Variants in RANBP17 observed in about 807,000 individuals in gnomAD.
RANBP17 encodes RAN binding protein 17, also known as ran-binding protein 17.
RANBP17 carries 158 observed loss-of-function variants against 141.2 expected under a neutral mutation model. The ratio of observed to expected loss-of-function variants is 1.12; its 90% CI spans 0.98 to 1.28. The LOEUF is 1.28. Ranked by LOEUF, RANBP17 falls within the 50% of genes most tolerant of loss-of-function variation. The probability of loss-of-function intolerance (pLI) is 0.00; values close to 1 mark genes in which losing one functional copy is unlikely to be tolerated. For missense variants in RANBP17, 1,438 were observed against 1,290.7 expected (o/e 1.11, Z -1.75); for synonymous variants, 430 against 450.0 (o/e 0.96, Z 0.56).
chr5:171,181,507 A>G (rs1415854437), intron 16 of RANBP17, among the ~76,000 whole-genome samples: 3 of 152,100 alleles, frequency 2.0e-5, no homozygotes, highest in African/African-American at 4.8e-5. Context: ...GAGCAGTGCA[A>G]TAGGGAAAAT....
intron 1 of RANBP17, among the ~76,000 whole-genome samples, chr5:170,876,711 T>C (rs147025695): frequency 2.6e-5 from 4 of 152,120 alleles, no homozygotes; most frequent in Non-Finnish European, 5.9e-5. Context: ...GTAAAAGGAA[T>C]AATGGAAGCT....
At chr5:171,155,332 GA>G (rs1242164970) in intron 14 of RANBP17, among the ~76,000 whole-genome samples, 1 of 151,728 alleles carries the variant, frequency 6.6e-6, no homozygotes, top group African/African-American at 2.4e-5. Flanking sequence ...AGTAGCCATA[GA>G]GAAAGTGGAT....
At chr5:171,004,547 A>T (rs1779445775) in intron 14 of RANBP17, among the ~76,000 whole-genome samples, 2 of 152,106 alleles carry the variant, frequency 1.3e-5, no homozygotes, top group Admixed American at 6.5e-5. Flanking sequence ...TAGCCCCCGT[A>T]TCGATTAAAC....
At chr5:171,074,580 G>C (rs747803525) in intron 14 of RANBP17, among the ~76,000 whole-genome samples, 1 of 152,154 alleles carries the variant, frequency 6.6e-6, no homozygotes, top group Non-Finnish European at 1.5e-5. Flanking sequence ...GGAACTCTCT[G>C]TACTCTCTTT....
At chr5:171,141,565 C>T (rs971290696) in intron 14 of RANBP17, among the ~76,000 whole-genome samples, 6 of 134,700 alleles carry the variant, frequency 4.5e-5, no homozygotes, top group African/African-American at 1.6e-4. Context: ...CGAGATCTCA[C>T]CACTACACTC....
intron 3 of RANBP17, among the ~76,000 whole-genome samples, chr5:170,888,300 G>A (rs1769321811): frequency 1.3e-5 from 2 of 152,136 alleles, no homozygotes; most frequent in South Asian, 4.1e-4. Flanking sequence ...GATATAGTTG[G>A]AAAATACTGA....
chr5:171,057,376 T>C (rs1783462792), intron 14 of RANBP17, among the ~76,000 whole-genome samples: 1 of 152,136 alleles, frequency 6.6e-6, no homozygotes, highest in Non-Finnish European at 1.5e-5. Flanking sequence ...TTAGCATATT[T>C]TATACATATT....
At chr5:170,927,762 C>G (rs1773044257) in intron 12 of RANBP17, among the ~76,000 whole-genome samples, 1 of 151,980 alleles carries the variant, frequency 6.6e-6, no homozygotes, top group African/African-American at 2.4e-5. Context: ...CATAGTTTAT[C>G]CATTCACCAG....
intron 14 of RANBP17, among the ~76,000 whole-genome samples, chr5:171,064,165 C>T (rs1237365718): frequency 1.3e-5 from 2 of 152,172 alleles, no homozygotes; most frequent in African/African-American, 4.8e-5. Flanking sequence ...GTGCGCTGCA[C>T]CCACTGTCCT....
chr5:170,901,748 C>T (rs564842134), intron 5 of RANBP17, among the ~76,000 whole-genome samples: 31 of 152,146 alleles, frequency 2.0e-4, no homozygotes, highest in African/African-American at 6.3e-4. Context: ...TTTGCTTGTC[C>T]GTAAAGGATT....
chr5:171,226,750 A>G (rs1037249732), intron 22 of RANBP17, among the ~76,000 whole-genome samples: 2 of 152,228 alleles, frequency 1.3e-5, no homozygotes, highest in Admixed American at 6.5e-5. Flanking sequence ...CGTAAAAGCT[A>G]TCACCTGTTA....
chr5:171,156,832 CAAAGAGGCT>C (rs1335691112), intron 14 of RANBP17, among the ~76,000 whole-genome samples: 2 of 152,010 alleles, frequency 1.3e-5, no homozygotes, highest in Non-Finnish European at 2.9e-5. Context: ...TTTGTGATGA[CAAAGAGGCT>C]AAGAGTGCAA....
chr5:171,280,134 A>G (rs1767765268), intron 25 of RANBP17, among the ~76,000 whole-genome samples: 1 of 152,172 alleles, frequency 6.6e-6, no homozygotes, highest in Non-Finnish European at 1.5e-5. Flanking sequence ...TACAGTTATT[A>G]CTGGTTTTTC....
intron 11 of RANBP17, among the ~76,000 whole-genome samples, chr5:170,921,239 C>G (rs1255898798): frequency 6.6e-6 from 1 of 152,138 alleles, no homozygotes; most frequent in Non-Finnish European, 1.5e-5. Flanking sequence ...ACATTTAAGT[C>G]TTTAATGTAT....
intron 25 of RANBP17, among the ~76,000 whole-genome samples, chr5:171,282,106 T>A (rs149935328): frequency 6.6e-6 from 1 of 152,312 alleles, no homozygotes; most frequent in East Asian, 1.9e-4. Context: ...AATGGGGCAT[T>A]TGATAAGTCT....
intron 14 of RANBP17, among the ~76,000 whole-genome samples, chr5:171,166,581 A>C (rs1285846840): frequency 6.6e-6 from 1 of 152,210 alleles, no homozygotes; most frequent in Non-Finnish European, 1.5e-5. Context: ...ATACTGTGTT[A>C]GAAGATTTTT....
At chr5:171,296,633 C>T (rs186699768) in intron 27 of RANBP17, among the ~76,000 whole-genome samples, 48 of 152,348 alleles carry the variant, frequency 3.2e-4, no homozygotes, top group African/African-American at 1.2e-3. Flanking sequence ...AACAAATTGG[C>T]TGGGCACAGT....
intron 14 of RANBP17, among the ~76,000 whole-genome samples, chr5:171,160,989 A>G (rs1000006793): frequency 6.7e-4 from 102 of 152,150 alleles, no homozygotes; most frequent in African/African-American, 2.4e-3. Context: ...AAGTAGAAGC[A>G]GGGTTTCACC....
At chr5:171,229,925 C>T (rs942529038) in intron 22 of RANBP17, among the ~76,000 whole-genome samples, 9 of 151,406 alleles carry the variant, frequency 5.9e-5, no homozygotes, top group Admixed American at 2.0e-4. Flanking sequence ...ATTAGCCGGG[C>T]GTGGTGGTGC....
Sources: allele counts gnomAD v4.1 joint callset (sites outside exome capture counted in the v4.1 genomes callset), GRCh38; gene constraint gnomAD v4.1.1; transcripts MANE v1.5; gene names NCBI Gene and HGNC (gene_info 2026-07-23, HGNC 2026-07-21).